Variants in COL21A1 observed in about 807,000 individuals in gnomAD.
COL21A1 encodes collagen alpha-1(XXI) chain.
COL21A1 carries 149 observed loss-of-function variants against 137.9 expected under a neutral mutation model. The observed-to-expected ratio is 1.08, with a 90% CI of 0.95 to 1.24. The LOEUF is 1.24. Among genes scored for constraint, COL21A1 ranks in the 50% most tolerant of loss-of-function variants. The pLI is 0.00. For missense variants in COL21A1, 1,167 were observed against 1,158.4 expected, an observed-to-expected ratio of 1.01 and a Z score of -0.11; for synonymous variants, 456 against 391.5, an observed-to-expected ratio of 1.16 and a Z score of -1.95.
rs74695605 is a variant in COL21A1, at chr6:56,101,895, G to A, written c.1759-370C>T. ...TATTTTAAAATTGATCACTATGTTG[G>A]ACCTAATTTGACCTTGCCTTCAAAG... On this transcript the variant is annotated intron_variant, in intron 16 of 29. Coordinates refer to ENST00000244728, the MANE Select transcript of COL21A1 (RefSeq NM_030820.4). Among the ~76,000 whole-genome samples, 1,244 of 151,830 alleles carry A rather than the reference G, an allele frequency of 8.2e-3. 19 individuals are homozygous for A. Among genetic ancestry groups the A allele is most frequent in the African/African-American group, 0.029 (1,200 of 41,408 alleles).
intron 10 of COL21A1, among the ~76,000 whole-genome samples, chr6:56,146,837 T>C (rs1487586920): frequency 6.6e-6 from 1 of 152,096 alleles, no homozygotes. Flanking sequence ...TAAAGAAAAC[T>C]ACATTAACTA....
chr6:56,335,055 G>A (rs907906658), intron 1 of COL21A1, among the ~76,000 whole-genome samples: 15 of 152,082 alleles, frequency 9.9e-5, no homozygotes, highest in African/African-American at 2.9e-4. Flanking sequence ...CAACTTGCCA[G>A]TGTGCCAAGA....
chr6:56,060,785 A>G lies in COL21A1; in HGVS notation c.2363T>C (p.Phe788Ser). Reference sequence around the variant, plus strand: ...AACTTGTCGAATAAATTGTTCTGAAAACTCTCTTCCCTGCATCAAAGTGTT... The same window carrying G: ...AACTTGTCGAATAAATTGTTCTGAAGACTCTCTTCCCTGCATCAAAGTGTT... ...PGLDGKPGRE[F>S]SEQFIRQVCT... Residue 788 changes from phenylalanine to serine, a missense_variant, in exon 27 of 30, where the codon TTT (phenylalanine) becomes TCT (serine). Transcript: ENST00000244728. 6.2e-7 allele frequency: 1 copy of G among 1,610,176 alleles called. No homozygotes were observed. Among genetic ancestry groups the G allele is most frequent in the Non-Finnish European group, 8.5e-7 (1 of 1,178,872 alleles).
intron 1 of COL21A1, among the ~76,000 whole-genome samples, chr6:56,270,214 TAGAG>T (rs1434322748): frequency 2.0e-5 from 3 of 152,138 alleles, no homozygotes; most frequent in Non-Finnish European, 4.4e-5. Flanking sequence ...TCAATGTAAA[TAGAG>T]AAAGATCTAC....
intron 1 of COL21A1, among the ~76,000 whole-genome samples, chr6:56,326,647 C>T (rs1390622661): frequency 6.6e-6 from 1 of 151,930 alleles, no homozygotes; most frequent in Admixed American, 6.6e-5. Context: ...TACAATCTTA[C>T]CTGTTGATTA....
rs1053737638 is a variant in COL21A1 at position 56,366,852 on chromosome 6, T to C, written c.-39+27119A>G. 8.5e-4 allele frequency among the ~76,000 whole-genome samples: 130 copies of C among 152,244 alleles called. 3 individuals are homozygous for C. The highest frequency in any genetic ancestry group is 2.4e-4 in the Non-Finnish European group (16 of 68,038). ...GTTTGTAAGATGGTTTCATTCCCATTGGGCCAGTTTGCGTGCTTAGCAGAA... is the reference window on the plus strand; with the variant it reads ...GTTTGTAAGATGGTTTCATTCCCATCGGGCCAGTTTGCGTGCTTAGCAGAA... On this transcript the variant is annotated intron_variant, in intron 1 of 28. Coordinates refer to the COL21A1 transcript ENST00000370819.
At chr6:56,134,931 G>A (rs540510155) in intron 12 of COL21A1, among the ~76,000 whole-genome samples, 13 of 151,880 alleles carry the variant, frequency 8.6e-5, no homozygotes, top group Non-Finnish European at 1.9e-4. Flanking sequence ...TTTGTAAATT[G>A]CCCAGTCTCA....
intron 17 of COL21A1, among the ~76,000 whole-genome samples, chr6:56,094,125 C>T (rs181081666): frequency 6.6e-6 from 1 of 152,164 alleles, no homozygotes; most frequent in East Asian, 1.9e-4. Context: ...TCTTTTTCTC[C>T]TCACACTTTA....
chr6:56,174,164 G>A lies in COL21A1; in HGVS notation c.641-3036C>T, dbSNP rs9475584. On this transcript the variant is annotated intron_variant, in intron 3 of 29. Transcript: ENST00000244728. The stretch of plus-strand genomic sequence containing the variant: ...AAATCACAACATCCAAAATTTATGA[G>A]ATGCAGGAAAACAGTACTAAGAGAG... Among the ~76,000 whole-genome samples the A allele has an allele frequency of 8.7e-3, 1,327 of 152,096 alleles. 21 individuals carry two copies. The highest frequency in any genetic ancestry group is 0.029 in the African/African-American group (1,188 of 41,486).
chr6:56,058,887 C>T (rs528794224), intron 29 of COL21A1, among the ~76,000 whole-genome samples: 3 of 152,220 alleles, frequency 2.0e-5, no homozygotes, highest in Admixed American at 6.5e-5. Flanking sequence ...CAGTGTTATA[C>T]ACCAGATAAG....
intron 1 of COL21A1, among the ~76,000 whole-genome samples, chr6:56,256,505 T>C (rs1217671272): frequency 6.6e-6 from 1 of 152,162 alleles, no homozygotes; most frequent in East Asian, 1.9e-4. Context: ...AATTAGATCG[T>C]TGAAAACTTG....
chr6:56,101,421 G>T, intron 17 of COL21A1, 51 bp downstream of exon 17: 1 of 1,365,400 alleles, frequency 7.3e-7, no homozygotes, highest in Non-Finnish European at 1.0e-6. Flanking sequence ...AAAGGATTTC[G>T]TAACAGGAAA....
At position 56,092,805 on chromosome 6, in the gene COL21A1, A is replaced by G. The variant is rs931343825; in HGVS notation, c.1812+8667T>C. The stretch of plus-strand genomic sequence containing the variant: ...ATAGCTACTGTAACAAATTACCACA[A>G]ACTTGGTTTACACAACAGAATTTTA... On this transcript the variant is annotated intron_variant, in intron 17 of 29. Coordinates refer to ENST00000244728, the MANE Select transcript of COL21A1 (RefSeq NM_030820.4). 2.0e-4 allele frequency among the ~76,000 whole-genome samples: 30 copies of G among 152,188 alleles called. 1 individual carries two copies. Among genetic ancestry groups the G allele is most frequent in the African/African-American group, 6.5e-4 (27 of 41,436 alleles).
rs1462169951 is a variant in COL21A1 at position 56,161,384 on chromosome 6, T to C, written c.1371+3039A>G. Among the ~76,000 whole-genome samples the C allele has an allele frequency of 3.3e-5, 5 of 152,174 alleles. 1 individual carries two copies. The highest frequency in any genetic ancestry group is 1.2e-4 in the African/African-American group (5 of 41,446). ...GCAGGGGAAGAAGCTGTTATTTGCA[T>C]GCACGGGTCATTTGAAAGGAAGTTA... On this transcript the variant is annotated intron_variant, in intron 9 of 29. Coordinates refer to ENST00000244728, the MANE Select transcript of COL21A1 (RefSeq NM_030820.4).
chr6:56,075,002 A>T (rs1767089977), intron 19 of COL21A1, among the ~76,000 whole-genome samples: 1 of 151,228 alleles, frequency 6.6e-6, no homozygotes, highest in Non-Finnish European at 1.5e-5. Flanking sequence ...TCTTGCACAC[A>T]TGAATTTTCA....
At chr6:56,110,934 A>C (rs1264306449) in intron 16 of COL21A1, among the ~76,000 whole-genome samples, 1 of 152,148 alleles carries the variant, frequency 6.6e-6, no homozygotes, top group Non-Finnish European at 1.5e-5. Flanking sequence ...TCTTCCCTCT[A>C]AGATTTGGAG....
At chr6:56,297,573 A>G (rs1172488744) in intron 1 of COL21A1, among the ~76,000 whole-genome samples, 1 of 152,124 alleles carries the variant, frequency 6.6e-6, no homozygotes, top group Non-Finnish European at 1.5e-5. Flanking sequence ...ATACTCTTTT[A>G]CTGACTGTAA....
At chr6:56,291,346 T>A (rs1191600569) in intron 1 of COL21A1, among the ~76,000 whole-genome samples, 1 of 152,142 alleles carries the variant, frequency 6.6e-6, no homozygotes, top group African/African-American at 2.4e-5. Flanking sequence ...AAGTTCATTT[T>A]GAGAGCACTG....
chr6:56,196,242 T>C (rs1429679819), intron 1 of COL21A1, among the ~76,000 whole-genome samples: 5 of 152,250 alleles, frequency 3.3e-5, no homozygotes, highest in African/African-American at 7.2e-5. Context: ...AAGCCATATA[T>C]GACAAATCCA....
Sources: allele counts gnomAD v4.1 joint callset (sites outside exome capture counted in the v4.1 genomes callset), GRCh38; gene constraint gnomAD v4.1.1; transcripts MANE v1.5; gene names NCBI Gene and HGNC (gene_info 2026-07-23, HGNC 2026-07-21).